The following MCTP2 variants were observed in gnomAD, a reference collection of about 807,000 sequenced individuals.
MCTP2 encodes the protein multiple C2 and transmembrane domain-containing protein 2.
In MCTP2, 132 loss-of-function variants were observed where a neutral mutation model predicts 111.6. The ratio of observed to expected loss-of-function variants is 1.18; its 90% CI spans 1.03 to 1.37. MCTP2 has a LOEUF of 1.37. Ranked by LOEUF, MCTP2 falls within the 40% of genes most tolerant of loss-of-function variation. The pLI is 0.00. For synonymous variants in MCTP2, 395 were observed against 387.7 expected, an observed-to-expected ratio of 1.02 and a Z score of -0.22; for missense variants, 1,183 against 1,067.9, an observed-to-expected ratio of 1.11 and a Z score of -1.50.
At chr15:94,417,523 G>A (rs1000768448) in intron 17 of MCTP2, among the ~76,000 whole-genome samples, 8 of 152,144 alleles carry the variant, frequency 5.3e-5, no homozygotes, top group East Asian at 3.9e-4. Flanking sequence ...GTGTGTGTGC[G>A]CACATGTTTT....
chr15:94,363,196 A>G (rs2079027443), intron 10 of MCTP2, among the ~76,000 whole-genome samples: 1 of 152,118 alleles, frequency 6.6e-6, no homozygotes, highest in Non-Finnish European at 1.5e-5. Flanking sequence ...CAAATCTTCA[A>G]ATCTAGAGCA....
intron 8 of MCTP2, among the ~76,000 whole-genome samples, chr15:94,346,237 A>C (rs2152411868): frequency 6.6e-6 from 1 of 152,330 alleles, no homozygotes; most frequent in African/African-American, 2.4e-5. Flanking sequence ...AAGGAAACAG[A>C]GTTCTGACTC....
intron 17 of MCTP2, among the ~76,000 whole-genome samples, chr15:94,415,321 A>C (rs187716571): frequency 3.3e-5 from 5 of 152,276 alleles, no homozygotes. Context: ...CAAGTAACCT[A>C]GACGGTGTCA....
intron 1 of MCTP2, among the ~76,000 whole-genome samples, chr15:94,281,710 A>C (rs915870087): frequency 2.0e-5 from 3 of 152,018 alleles, no homozygotes; most frequent in Admixed American, 6.6e-5. Context: ...TTTCATTTCC[A>C]TGTTTAGCAT....
chr15:94,310,712 TAAA>T (rs1567387138), intron 2 of MCTP2, among the ~76,000 whole-genome samples: 2 of 150,540 alleles, frequency 1.3e-5, no homozygotes, highest in Non-Finnish European at 3.0e-5. Context: ...TTTCATAACA[TAAA>T]ATAATATATA....
chr15:94,417,713 C>A (rs985201901), intron 17 of MCTP2, among the ~76,000 whole-genome samples: 1 of 152,110 alleles, frequency 6.6e-6, no homozygotes, highest in African/African-American at 2.4e-5. Context: ...GGCTCTGATA[C>A]AAGCACAATT....
rs202170550 is a variant in MCTP2, at chr15:94,435,629, C to CTTTTTTTTTTTTTTT, written c.2086-4541_2086-4527dup. On this transcript the variant is annotated intron_variant, in intron 17 of 22. Transcript: ENST00000357742. The stretch of plus-strand genomic sequence containing the variant: ...CTAAAAAAGTTGTACTTTTTTTATT[C>CTTTTTTTTTTTTTTT]TTTTTTTTTTTTTTTTTTTTGAGAC... Among the ~76,000 whole-genome samples, 471 of 117,864 alleles carry CTTTTTTTTTTTTTTT rather than the reference C, an allele frequency of 4.0e-3. 12 individuals are homozygous for CTTTTTTTTTTTTTTT. Among genetic ancestry groups the CTTTTTTTTTTTTTTT allele is most frequent in the Non-Finnish European group, 6.3e-3 (354 of 55,784 alleles). The allele number at this position is 117,864 out of a possible 152,430, so 77.3% of individuals were successfully genotyped here. A position where few individuals can be genotyped will look rare whatever the true frequency, so the allele number is the denominator to read the frequency against.
In MCTP2 at chr15:94,275,073, T is replaced by C. The variant is rs948362358; in HGVS notation, c.-65-23128T>C. Among the ~76,000 whole-genome samples the C allele has an allele frequency of 1.1e-4, 16 of 152,306 alleles. No homozygotes were observed. The East Asian group carries it at 2.9e-3, about 28-fold the overall frequency. On this transcript the variant is annotated intron_variant, in intron 1 of 22. Transcript: ENST00000357742. ...AAAGGAGGAAATCATATGATCGCTT[T>C]GAAGGTTGCAGAAGAAGCAATTACA...
chr15:94,381,155 C>G (rs1047050464), intron 12 of MCTP2, among the ~76,000 whole-genome samples: 1 of 152,150 alleles, frequency 6.6e-6, no homozygotes, highest in Non-Finnish European at 1.5e-5. Context: ...AGCATTTGGA[C>G]ATTTCATTTA....
chr15:94,289,308 AG>A (rs1251405076), intron 1 of MCTP2, among the ~76,000 whole-genome samples: 1 of 152,256 alleles, frequency 6.6e-6, no homozygotes, highest in Non-Finnish European at 1.5e-5. Flanking sequence ...CATGGAGGCC[AG>A]GAGAAAATGG....
chr15:94,245,275 C>CACATAT (rs1491096457), intron 1 of MCTP2, among the ~76,000 whole-genome samples: 28 of 130,260 alleles, frequency 2.1e-4, no homozygotes, highest in Admixed American at 1.0e-3. Flanking sequence ...TGTGTATATA[C>CACATAT]GTATATACAC....
rs755287019 is a variant in MCTP2, at chr15:94,267,869, C to CTTTTTTTTTTTTTTTTTTTTTTTTTTTTT, written c.-65-30318_-65-30317insTTTTTTTTTTTTTTTTTTTTTTTTTTTTT. Among the ~76,000 whole-genome samples, 57 of 77,450 alleles carry CTTTTTTTTTTTTTTTTTTTTTTTTTTTTT rather than the reference C, an allele frequency of 7.4e-4. 11 individuals are homozygous for CTTTTTTTTTTTTTTTTTTTTTTTTTTTTT. The highest frequency in any genetic ancestry group is 3.0e-3 in the African/African-American group (52 of 17,430). The allele number at this position is 77,450 out of a possible 152,430, so 50.8% of individuals were successfully genotyped here. ...GGTCTGGATTACTTTCCTTTTCTTT[C>CTTTTTTTTTTTTTTTTTTTTTTTTTTTTT]TTTTTTTTTTTTTTGAGACAGAGTC... is the stretch of plus-strand genomic sequence containing the variant. On this transcript the variant is annotated intron_variant, in intron 1 of 22. Transcript: ENST00000357742.
At chr15:94,288,865 A>G (rs763115080) in intron 1 of MCTP2, among the ~76,000 whole-genome samples, 1 of 152,190 alleles carries the variant, frequency 6.6e-6, no homozygotes, top group Non-Finnish European at 1.5e-5. Context: ...TGCCCCACCC[A>G]TTCTCCACCC....
chr15:94,405,791 T>C (rs1282462388), intron 17 of MCTP2, among the ~76,000 whole-genome samples: 1 of 152,242 alleles, frequency 6.6e-6, no homozygotes, highest in Non-Finnish European at 1.5e-5. Context: ...TCATTTTGTC[T>C]TCTGGGTCTT....
chr15:94,282,245 A>C (rs1488821073), intron 1 of MCTP2, among the ~76,000 whole-genome samples: 1 of 152,014 alleles, frequency 6.6e-6, no homozygotes, highest in Non-Finnish European at 1.5e-5. Flanking sequence ...TTATTTTTTA[A>C]AATTCTCTTT....
chr15:94,310,802 T>A (rs573407113), intron 2 of MCTP2, among the ~76,000 whole-genome samples: 6 of 151,800 alleles, frequency 4.0e-5, no homozygotes, highest in South Asian at 4.2e-4. Context: ...TAGCCAAGTG[T>A]GATGGTGTGC....
chr15:94,259,272 A>G (rs2152279549), intron 1 of MCTP2, among the ~76,000 whole-genome samples: 1 of 152,296 alleles, frequency 6.6e-6, no homozygotes, highest in Non-Finnish European at 1.5e-5. Context: ...TCGAACTCCA[A>G]ATTCTTCACC....
At chr15:94,454,612 A>C (rs1055770904) in intron 19 of MCTP2, among the ~76,000 whole-genome samples, 1 of 148,632 alleles carries the variant, frequency 6.7e-6, no homozygotes, top group Non-Finnish European at 1.5e-5. Context: ...AAAAAAAAAA[A>C]ACCCTAAATT....
chr15:94,360,243 C>T (rs543757111), intron 10 of MCTP2, among the ~76,000 whole-genome samples: 74 of 152,270 alleles, frequency 4.9e-4, no homozygotes, highest in African/African-American at 1.6e-3. Context: ...CTTCCCTGGC[C>T]GTCTCCCAGC....
Sources: allele counts gnomAD v4.1 joint callset (sites outside exome capture counted in the v4.1 genomes callset), GRCh38; gene constraint gnomAD v4.1.1; transcripts MANE v1.5; gene names NCBI Gene and HGNC (gene_info 2026-07-23, HGNC 2026-07-21).